Variants in PACC1 observed in about 807,000 individuals in gnomAD.
PACC1 encodes proton activated chloride channel 1.
In PACC1, 34 loss-of-function variants were observed where a neutral mutation model predicts 39.7. The ratio of observed to expected loss-of-function variants is 0.86; its 90% confidence interval spans 0.65 to 1.14. PACC1 has a LOEUF of 1.14. PACC1 is among the 50% of genes most tolerant of loss of function. The pLI, the probability that PACC1 is intolerant of heterozygous loss-of-function variation, is 0.00. For missense variants in PACC1, 379 were observed against 436.4 expected (o/e 0.87, Z 1.17); for synonymous variants, 127 against 160.6 (o/e 0.79, Z 1.58).
Position 212,365,120 on chromosome 1 carries a change from A to C in PACC1, c.*95T>G, listed in dbSNP as rs1660183311. 7.6e-7 allele frequency: 1 copy of C among 1,307,980 alleles called. No homozygotes were observed. The highest frequency in any genetic ancestry group is 1.6e-5 in the South Asian group (1 of 63,372). The allele number at this position is 1,307,980 out of a possible 1,614,324, so 81.0% of individuals were successfully genotyped here. On this transcript the variant is annotated 3_prime_UTR_variant, in exon 8 of 8. Transcript: ENST00000261455. Reference sequence around the variant, plus strand: ...CTCCCAGCAAGGCCCCATTTCTTCAAGTGAGTACAGGATTGTTGATAGCTC... The same window carrying C: ...CTCCCAGCAAGGCCCCATTTCTTCACGTGAGTACAGGATTGTTGATAGCTC...
At chr1:212,410,161 G>A in intron 2 of PACC1, 1 of 425,142 alleles carries the variant, frequency 2.4e-6, no homozygotes, top group Non-Finnish European at 4.4e-6. Context: ...GAACAGAAGA[G>A]CAGAGATCCA....
intron 4 of PACC1, among the ~76,000 whole-genome samples, chr1:212,380,588 T>C (rs1660842101): frequency 6.6e-6 from 1 of 152,234 alleles, no homozygotes; most frequent in Non-Finnish European, 1.5e-5. Flanking sequence ...AATAGGGCTC[T>C]AACTCCTACT....
At chr1:212,379,401 A>G (rs1273892001) in intron 5 of PACC1, among the ~76,000 whole-genome samples, 2 of 152,308 alleles carry the variant, frequency 1.3e-5, no homozygotes, top group East Asian at 3.9e-4. Flanking sequence ...GTTATACACA[A>G]ATTTTTGGCT....
Position 212,386,464 on chromosome 1 carries a change from C to A in PACC1, c.343+427G>T, listed in dbSNP as rs536605348. ...CCTGCCATCCTCCCCACCCCACAGTCCAGCCTTGACTCCTGCTTCTCCTCA... is the reference window on the plus strand; with the variant it reads ...CCTGCCATCCTCCCCACCCCACAGTACAGCCTTGACTCCTGCTTCTCCTCA... On this transcript the variant is annotated intron_variant, in intron 3 of 7. Coordinates refer to ENST00000261455, the MANE Select transcript of PACC1 (RefSeq NM_018252.3). This position sits in a 1 kb window ranked among gnomAD's most constrained non-coding sequence, Gnocchi z 5.0. Among the ~76,000 whole-genome samples, 1 of 152,220 alleles carries A rather than the reference C, an allele frequency of 6.6e-6. No individual in the cohort carries two copies. The highest frequency in any genetic ancestry group is 2.4e-5 in the African/African-American group (1 of 41,534).
chr1:212,372,623 A>G (rs767851673), intron 7 of PACC1, among the ~76,000 whole-genome samples: 49 of 152,242 alleles, frequency 3.2e-4, no homozygotes, highest in Non-Finnish European at 5.6e-4. Context: ...AAACTGGTAG[A>G]CCTGATAAAT....
chr1:212,409,448 C>T (rs1446599755), intron 2 of PACC1, among the ~76,000 whole-genome samples: 3 of 151,768 alleles, frequency 2.0e-5, no homozygotes, highest in Non-Finnish European at 2.9e-5. Flanking sequence ...ACAAAAAGGC[C>T]CTGTGGTGAG....
At chr1:212,378,350 C>T (rs371492118) in intron 5 of PACC1, among the ~76,000 whole-genome samples, 2 of 152,198 alleles carry the variant, frequency 1.3e-5, no homozygotes, top group African/African-American at 4.8e-5. Flanking sequence ...GCAAGATGGC[C>T]AGCTTGAAGC....
At position 212,364,086 on chromosome 1, in the gene PACC1, A is replaced by G. The variant is rs1341958497; in HGVS notation, c.*1129T>C. ...AAGTCCTCTTTGAAGCAACAGGCAC[A>G]TAAATAATTTAAAACTCTGGAAACA... On this transcript the variant is annotated 3_prime_UTR_variant, in exon 8 of 8. Transcript: ENST00000261455. 2.6e-5 allele frequency: 4 copies of G among 152,258 alleles called. No homozygotes were observed. The highest frequency in any genetic ancestry group is 7.2e-5 in the African/African-American group (3 of 41,472). The allele number at this position is 152,258 out of a possible 1,614,324, so 9.4% of individuals were successfully genotyped here.
At chr1:212,372,699 G>A (rs984604941) in intron 7 of PACC1, among the ~76,000 whole-genome samples, 5 of 151,838 alleles carry the variant, frequency 3.3e-5, no homozygotes, top group East Asian at 3.9e-4. Flanking sequence ...TGCTAACAGC[G>A]AGCAATCTAA....
At chr1:212,371,321 GA>G (rs1439517734) in intron 7 of PACC1, among the ~76,000 whole-genome samples, 1 of 148,310 alleles carries the variant, frequency 6.7e-6, no homozygotes, top group East Asian at 2.0e-4. Flanking sequence ...ATCTATCTAA[GA>G]AAAATATAAT....
intron 5 of PACC1, 22 bp from the exon 6 acceptor site, chr1:212,377,728 G>C: frequency 6.2e-7 from 1 of 1,613,344 alleles, no homozygotes; most frequent in Non-Finnish European, 8.5e-7. Context: ...GAAGGAGAAG[G>C]AAGATCCAGG....
At chr1:212,371,477 T>C (rs1047180324) in intron 7 of PACC1, among the ~76,000 whole-genome samples, 1 of 152,034 alleles carries the variant, frequency 6.6e-6, no homozygotes, top group Non-Finnish European at 1.5e-5. Flanking sequence ...CCTGGATACA[T>C]TGTCTACCAA....
chr1:212,374,233 C>T (rs936308269), intron 7 of PACC1, among the ~76,000 whole-genome samples: 5 of 151,806 alleles, frequency 3.3e-5, no homozygotes, highest in Non-Finnish European at 5.9e-5. Flanking sequence ...TATTATTCAG[C>T]CATTAAAGAA....
intron 4 of PACC1, among the ~76,000 whole-genome samples, chr1:212,384,778 AGCC>A (rs1316229264): frequency 7.9e-5 from 12 of 152,250 alleles, no homozygotes. Context: ...CAGCATGGCC[AGCC>A]CAGGGCCCAG....
At chr1:212,389,487 T>A (rs564956912) in intron 2 of PACC1, among the ~76,000 whole-genome samples, 17 of 152,234 alleles carry the variant, frequency 1.1e-4, no homozygotes, top group East Asian at 9.6e-4. Context: ...GAATCCAGAA[T>A]CTCTATATCA....
intron 5 of PACC1, among the ~76,000 whole-genome samples, chr1:212,379,365 G>A (rs1041915896): frequency 1.3e-5 from 2 of 152,194 alleles, no homozygotes; most frequent in Non-Finnish European, 2.9e-5. Context: ...TCAACAGTAG[G>A]CTGTTAGTAG....
rs566127319 is a variant in PACC1, at chr1:212,377,636, G to A, written c.709C>T (p.Arg237Cys). 1.6e-5 allele frequency: 26 copies of A among 1,614,130 alleles called. No homozygotes were observed. The highest frequency in any genetic ancestry group is 3.3e-5 in the Admixed American group (2 of 60,014). The change falls in exon 6 of 8, where the codon CGC becomes TGC. Residue 237 changes from arginine (R) to cysteine (C), a missense_variant. Physicochemically the swap from Arg to Cys is radical, Grantham distance 180. Transcript: ENST00000261455. ...ACCAGTGACATCTTGACCCAGGTGC[G>A]GAAGCCCCCAGAGAACTTCCAGCTG... is the stretch of plus-strand genomic sequence containing the variant. ...YSSWKFSGGF[R>C]TWVKMSLVKT...
chr1:212,381,763 G>GCACAGTGA (rs1660901394), intron 4 of PACC1, among the ~76,000 whole-genome samples: 1 of 38,680 alleles, frequency 2.6e-5, no homozygotes, highest in African/African-American at 3.0e-4. Context: ...CCAGGGGACA[G>GCACAGTGA]CACAGTGACA....
rs975171221 is a variant in PACC1, at chr1:212,365,137, T to C, written c.*78A>G. ...TTTCTTCAAGTGAGTACAGGATTGT[T>C]GATAGCTCCGTTTACAAAGTGGAAG... is the stretch of plus-strand genomic sequence containing the variant. On this transcript the variant is annotated 3_prime_UTR_variant, in exon 8 of 8. Transcript: ENST00000261455. 2.0e-6 allele frequency: 3 copies of C among 1,471,356 alleles called. No homozygotes were observed. Among genetic ancestry groups the C allele is most frequent in the Non-Finnish European group, 2.8e-6 (3 of 1,080,214 alleles). The allele number at this position is 1,471,356 out of a possible 1,614,324, so 91.1% of individuals were successfully genotyped here.
Sources: gnomAD v4.1 joint callset for allele counts (sites outside exome capture counted in the v4.1 genomes callset) on GRCh38, gnomAD v4.1.1 for gene constraint, Gnocchi (gnomAD v3.1) non-coding constraint, MANE v1.5 for transcripts, NCBI Gene and HGNC (gene_info 2026-07-23, HGNC 2026-07-21) for gene names.